Variants in GRM7 observed in about 807,000 individuals in gnomAD.
GRM7 encodes the protein metabotropic glutamate receptor 7.
Under a neutral mutation model 84.5 loss-of-function variants are expected in GRM7, and 35 were observed. The ratio of observed to expected loss-of-function variants is 0.41; its 90% confidence interval spans 0.32 to 0.55. The LOEUF (loss-of-function observed/expected upper bound fraction) is 0.55. GRM7 is among the 20% of genes least tolerant of loss of function. The pLI is 0.19. For synonymous variants in GRM7, 487 were observed against 455.1 expected (o/e 1.07, Z -0.89); for missense variants, 1,003 against 1,194.6 (o/e 0.84, Z 2.36).
chr3:7,317,505 AC>A (rs1158288142), intron 4 of GRM7, among the ~76,000 whole-genome samples: 1 of 152,064 alleles, frequency 6.6e-6, no homozygotes, highest in Non-Finnish European at 1.5e-5. Flanking sequence ...TGCTATCTTA[AC>A]AGCATGATTC....
intron 1 of GRM7, among the ~76,000 whole-genome samples, chr3:6,945,863 T>G (rs1185283689): frequency 6.6e-6 from 1 of 152,206 alleles, no homozygotes; most frequent in Non-Finnish European, 1.5e-5. Context: ...AATGTCTTCT[T>G]TTGAGAAGTG....
chr3:7,249,723 A>G (rs976949376), intron 2 of GRM7, among the ~76,000 whole-genome samples: 1 of 152,222 alleles, frequency 6.6e-6, no homozygotes, highest in African/African-American at 2.4e-5. Context: ...TGTGGAAATT[A>G]ACAAGAAATT....
intron 8 of GRM7, among the ~76,000 whole-genome samples, chr3:7,615,339 A>G (rs1343050903): frequency 1.3e-5 from 2 of 152,086 alleles, no homozygotes; most frequent in African/African-American, 4.8e-5. Flanking sequence ...TGGGACTCGA[A>G]GTTTAGGTAA....
In GRM7 at chr3:7,450,376, A is replaced by G. The variant is rs142123079; in HGVS notation, c.1175-2231A>G. Among the ~76,000 whole-genome samples, 237 of 152,240 alleles carry G rather than the reference A, an allele frequency of 1.6e-3. 2 individuals carry two copies. Among genetic ancestry groups the G allele is most frequent in the African/African-American group, 5.5e-3 (230 of 41,562 alleles). ...CCCTTTTAGAGTGGAATTTGCCAAT[A>G]TATATAAAAAATACACATGAATTTA... On this transcript the variant is annotated intron_variant, in intron 5 of 9. Transcript: ENST00000357716.
intron 1 of GRM7, among the ~76,000 whole-genome samples, chr3:6,953,939 T>C (rs1307843785): frequency 6.6e-6 from 1 of 152,128 alleles, no homozygotes; most frequent in Non-Finnish European, 1.5e-5. Context: ...CAATTCATAA[T>C]CAAAGCTCTT....
intron 1 of GRM7, among the ~76,000 whole-genome samples, chr3:7,123,850 T>A (rs1360885661): frequency 6.6e-6 from 1 of 152,234 alleles, no homozygotes; most frequent in African/African-American, 2.4e-5. Context: ...GACCTGCAGA[T>A]CAATTTGGTC....
intron 5 of GRM7, among the ~76,000 whole-genome samples, chr3:7,434,369 A>C (rs922652790): frequency 6.6e-6 from 1 of 152,188 alleles, no homozygotes; most frequent in Non-Finnish European, 1.5e-5. Context: ...CTTTGTTCCC[A>C]ATCATAACGT....
At chr3:7,699,117 G>A (rs1306959212) in intron 9 of GRM7, among the ~76,000 whole-genome samples, 1 of 152,164 alleles carries the variant, frequency 6.6e-6, no homozygotes, top group Admixed American at 6.5e-5. Context: ...TCAGAACAGT[G>A]CAAAAGTTGA....
chr3:7,311,597 A>AT (rs35146664), intron 4 of GRM7, among the ~76,000 whole-genome samples: 82,979 of 144,300 alleles, frequency 0.58, 23,751 homozygotes, highest in Middle Eastern at 0.62. Flanking sequence ...GTTTCAATAC[A>AT]TTTTTTTTTT....
At position 7,461,642 on chromosome 3, in the gene GRM7, A is replaced by G. The variant is rs762734487; in HGVS notation, c.1435A>G (p.Ile479Val). The G allele has an allele frequency of 6.2e-6, 10 of 1,613,102 alleles. No individual in the cohort carries two copies. In the East Asian group the frequency reaches 1.8e-4, roughly 29 times the overall value. ...CGGGGATGCACCTGGGCGTTATGAC[A>G]TCTTTCAGTACCAGACCACAAACAC... Reference protein sequence around the residue: ...KNGDAPGRYDIFQYQTTNTSN... With the variant: ...KNGDAPGRYDVFQYQTTNTSN... Residue 479 changes from isoleucine (I) to valine (V), a missense_variant, in exon 7 of 10, where the codon ATC (isoleucine) becomes GTC (valine). Transcript: ENST00000357716.
chr3:7,541,448 T>TGA (rs1692879463), intron 7 of GRM7, among the ~76,000 whole-genome samples: 2 of 152,140 alleles, frequency 1.3e-5, no homozygotes, highest in Non-Finnish European at 2.9e-5. Context: ...TTATTAGATG[T>TGA]GAATTATGTA....
intron 2 of GRM7, among the ~76,000 whole-genome samples, chr3:7,197,103 A>G (rs1695903297): frequency 2.0e-5 from 3 of 152,192 alleles, no homozygotes; most frequent in Non-Finnish European, 2.9e-5. Flanking sequence ...TCAGCAGATT[A>G]GGAAGTAGGA....
At chr3:7,637,839 G>C (rs1698171354) in intron 8 of GRM7, among the ~76,000 whole-genome samples, 1 of 152,194 alleles carries the variant, frequency 6.6e-6, no homozygotes, top group African/African-American at 2.4e-5. Context: ...TTTCTGAGCA[G>C]CCTCTCCCAC....
intron 1 of GRM7, among the ~76,000 whole-genome samples, chr3:7,133,094 C>T (rs1478426584): frequency 1.3e-5 from 2 of 152,078 alleles, no homozygotes; most frequent in Non-Finnish European, 2.9e-5. Flanking sequence ...CTCAGCACTG[C>T]AGCTGTGTTG....
intron 1 of GRM7, among the ~76,000 whole-genome samples, chr3:6,920,050 A>G (rs890023197): frequency 6.6e-6 from 1 of 152,218 alleles, no homozygotes; most frequent in Non-Finnish European, 1.5e-5. Flanking sequence ...GCTATCTTGT[A>G]TTCTTTTGCT....
intron 1 of GRM7, among the ~76,000 whole-genome samples, chr3:7,117,638 A>G (rs1360096289): frequency 6.6e-6 from 1 of 152,150 alleles, no homozygotes; most frequent in Non-Finnish European, 1.5e-5. Flanking sequence ...TTATTCAGTT[A>G]TCTCAGAGTG....
chr3:7,242,262 A>T (rs1237026272), intron 2 of GRM7, among the ~76,000 whole-genome samples: 1 of 152,196 alleles, frequency 6.6e-6, no homozygotes, highest in Non-Finnish European at 1.5e-5. Flanking sequence ...TGGATTCATA[A>T]TACGGGATTT....
At chr3:7,264,281 C>A (rs1378855643) in intron 2 of GRM7, among the ~76,000 whole-genome samples, 2 of 152,150 alleles carry the variant, frequency 1.3e-5, no homozygotes, top group Non-Finnish European at 2.9e-5. Flanking sequence ...GCAAGTGGAG[C>A]CAAGGGGATG....
At chr3:7,044,395 G>A (rs1696730401) in intron 1 of GRM7, among the ~76,000 whole-genome samples, 1 of 152,048 alleles carries the variant, frequency 6.6e-6, no homozygotes, top group African/African-American at 2.4e-5. Flanking sequence ...GTTTCCTGGT[G>A]GTGGAACGAG....
Sources: allele counts gnomAD v4.1 joint callset (sites outside exome capture counted in the v4.1 genomes callset), GRCh38; gene constraint gnomAD v4.1.1; transcripts MANE v1.5; gene names NCBI Gene and HGNC (gene_info 2026-07-23, HGNC 2026-07-21).